Variants in PIEZO2 observed in about 807,000 individuals in gnomAD.
The protein encoded by PIEZO2 is piezo-type mechanosensitive ion channel component 2.
A neutral mutation model predicts 337.3 loss-of-function variants in PIEZO2; 172 were observed. That is an observed-to-expected ratio of 0.51 (90% CI 0.45 to 0.58). The LOEUF is 0.58. Ranked by LOEUF, PIEZO2 falls within the 20% of genes least tolerant of loss-of-function variation. PIEZO2 has a pLI of 0.00. For synonymous variants in PIEZO2, 1,251 were observed against 1,228.5 expected (o/e 1.02, Z -0.38); for missense variants, 3,028 against 3,391.3 (o/e 0.89, Z 2.66).
Position 10,808,577 on chromosome 18 carries a change from T to G in PIEZO2, c.918-1303A>C, listed in dbSNP as rs1353676698. Among the ~76,000 whole-genome samples the G allele has an allele frequency of 4.5e-4, 68 of 152,222 alleles. 1 individual carries two copies. Among genetic ancestry groups the G allele is most frequent in the Admixed American group, 4.5e-3 (68 of 15,280 alleles). On this transcript the variant is annotated intron_variant, in intron 7 of 55. Transcript: ENST00000674853. ...ATTTTAAAGTAAGCTAAATAGATAT[T>G]AAACTAACTTTCTTCATTTTTATCA...
chr18:10,860,537 A>T (rs1296256684), intron 5 of PIEZO2, among the ~76,000 whole-genome samples: 4 of 152,102 alleles, frequency 2.6e-5, no homozygotes, highest in Non-Finnish European at 5.9e-5. Flanking sequence ...CATCGTCAAC[A>T]CACAAATGAC....
At position 11,097,189 on chromosome 18, in the gene PIEZO2, T is replaced by G. The variant is rs1375262530; in HGVS notation, c.65-30967A>C. Among the ~76,000 whole-genome samples the G allele has an allele frequency of 6.6e-6, 1 of 152,176 alleles. No individual in the cohort carries two copies. The highest frequency in any genetic ancestry group is 1.5e-5 in the Non-Finnish European group (1 of 68,032). On this transcript the variant is annotated intron_variant, in intron 1 of 55. Coordinates refer to ENST00000674853, the MANE Select transcript of PIEZO2 (RefSeq NM_001378183.1). The surrounding 1 kb of genome is among the most constrained non-coding windows in gnomAD (Gnocchi z 5.0). ...ATCCCGCCCCACAAACTAAGAATGC[T>G]TTTTATATGTTTAAATGATTGAAAA... is the stretch of plus-strand genomic sequence containing the variant.
chr18:10,856,895 T>C lies in PIEZO2; in HGVS notation c.703+106A>G. 9.8e-7 allele frequency: 1 copy of C among 1,017,076 alleles called. No individual in the cohort carries two copies. The highest frequency in any genetic ancestry group is 1.4e-6 in the Non-Finnish European group (1 of 691,662). 63.0% of individuals were successfully genotyped at this position (1,017,076 alleles called of 1,614,324 possible). The stretch of plus-strand genomic sequence containing the variant: ...AAGAGCTACAGTTATGATATTCATG[T>C]GGTGGAACAGACTGTTTCCTTCATT... On this transcript the variant is annotated intron_variant, in intron 6 of 55. Transcript: ENST00000674853. The surrounding 1 kb of genome is among the most constrained non-coding windows in gnomAD (Gnocchi z 4.7).
At chr18:11,014,864 C>A (rs1170618886) in intron 2 of PIEZO2, among the ~76,000 whole-genome samples, 1 of 134,878 alleles carries the variant, frequency 7.4e-6, no homozygotes, top group Non-Finnish European at 1.6e-5. Context: ...GGTAAGACAG[C>A]GATCCAAGGC....
At position 10,846,660 on chromosome 18, in the gene PIEZO2, G is replaced by C. The variant is rs1393598863; in HGVS notation, c.917+8693C>G. On this transcript the variant is annotated intron_variant, in intron 7 of 55. Coordinates refer to ENST00000674853, the MANE Select transcript of PIEZO2 (RefSeq NM_001378183.1). This position sits in a 1 kb window ranked among gnomAD's most constrained non-coding sequence, Gnocchi z 4.1. Reference sequence around the variant, plus strand: ...GGGATTATTATGGCCCAATGCAGCTGGTGTTATAAAGCAAGTTTGCACAGA... The same window carrying C: ...GGGATTATTATGGCCCAATGCAGCTCGTGTTATAAAGCAAGTTTGCACAGA... Among the ~76,000 whole-genome samples, 4 of 152,026 alleles carry C rather than the reference G, an allele frequency of 2.6e-5. No homozygotes were observed. The highest frequency in any genetic ancestry group is 4.4e-5 in the Non-Finnish European group (3 of 68,000).
intron 2 of PIEZO2, among the ~76,000 whole-genome samples, chr18:10,995,146 A>T (rs9958228): frequency 0.062 from 9,266 of 148,314 alleles, 597 homozygotes; most frequent in African/African-American, 0.16. Flanking sequence ...ATTTTTTTTT[A>T]AATTTTTTGA....
intron 3 of PIEZO2, among the ~76,000 whole-genome samples, chr18:10,949,152 T>C (rs548678424): frequency 6.6e-6 from 1 of 152,164 alleles, no homozygotes; most frequent in Non-Finnish European, 1.5e-5. Context: ...GAGGAAGTAA[T>C]TGTATACATT....
At position 11,116,880 on chromosome 18, in the gene PIEZO2, A is replaced by G. The variant is rs1306859446; in HGVS notation, c.64+31645T>C. Among the ~76,000 whole-genome samples the G allele has an allele frequency of 4.6e-5, 7 of 152,168 alleles. No homozygotes were observed. The highest frequency in any genetic ancestry group is 1.4e-4 in the African/African-American group (6 of 41,448). On this transcript the variant is annotated intron_variant, in intron 1 of 55. Coordinates refer to ENST00000674853, the MANE Select transcript of PIEZO2 (RefSeq NM_001378183.1). This position sits in a 1 kb window ranked among gnomAD's most constrained non-coding sequence, Gnocchi z 5.0. ...TCCCAGCACTCTGTGAGGCCAAGGC[A>G]GGAGGATCACTTGAGGTCAGGGGTT...
intron 1 of PIEZO2, among the ~76,000 whole-genome samples, chr18:11,135,140 A>G (rs1032715524): frequency 6.6e-6 from 1 of 152,354 alleles, no homozygotes. Flanking sequence ...AGACTTTCAC[A>G]ATAAGATTTC....
rs532683592 is a variant in PIEZO2, at chr18:10,833,830, C to T, written c.917+21523G>A. Among the ~76,000 whole-genome samples the T allele has an allele frequency of 1.6e-4, 25 of 152,354 alleles. No individual in the cohort carries two copies. Among genetic ancestry groups the T allele is most frequent in the African/African-American group, 5.5e-4 (23 of 41,586 alleles). On this transcript the variant is annotated intron_variant, in intron 7 of 55. Coordinates refer to ENST00000674853, the MANE Select transcript of PIEZO2 (RefSeq NM_001378183.1). This position sits in a 1 kb window ranked among gnomAD's most constrained non-coding sequence, Gnocchi z 4.7. ...TTTGTTTAAAAAACGCATTAGGCTGCCCTTTCCCTGAAGCCAAGGTTGCCC... is the reference window on the plus strand; with the variant it reads ...TTTGTTTAAAAAACGCATTAGGCTGTCCTTTCCCTGAAGCCAAGGTTGCCC...
chr18:10,889,577 A>C (rs2042699607), intron 4 of PIEZO2, among the ~76,000 whole-genome samples: 1 of 152,222 alleles, frequency 6.6e-6, no homozygotes, highest in African/African-American at 2.4e-5. Context: ...GTTCTTTATC[A>C]ACTTGGTCAA....
chr18:10,878,059 C>T lies in PIEZO2; in HGVS notation c.330-6644G>A, dbSNP rs1230645717. On this transcript the variant is annotated intron_variant, in intron 4 of 55. Transcript: ENST00000674853. This position sits in a 1 kb window ranked among gnomAD's most constrained non-coding sequence, Gnocchi z 4.3. ...CTGTGAAGCCCTTCCTACCTTGCCC[C>T]TCCACACCCATTCCAGAATAGAATG... is the stretch of plus-strand genomic sequence containing the variant. Among the ~76,000 whole-genome samples, 1 of 152,166 alleles carries T rather than the reference C, an allele frequency of 6.6e-6. No individual in the cohort carries two copies. Among genetic ancestry groups the T allele is most frequent in the Non-Finnish European group, 1.5e-5 (1 of 68,034 alleles).
intron 1 of PIEZO2, among the ~76,000 whole-genome samples, chr18:11,073,848 CTTT>C (rs71362202): frequency 2.2e-5 from 3 of 137,154 alleles, no homozygotes; most frequent in Non-Finnish European, 3.1e-5. Flanking sequence ...ATAACAACTG[CTTT>C]TTTTTTTTTT....
chr18:10,837,964 C>T lies in PIEZO2; in HGVS notation c.917+17389G>A, dbSNP rs1297477009. ...ACGGGGTTTCGTCATGTTGGCCAGG[C>T]TGGTCTCGAACTCCTGATCGCAGGT... On this transcript the variant is annotated intron_variant, in intron 7 of 55. Coordinates refer to ENST00000674853, the MANE Select transcript of PIEZO2 (RefSeq NM_001378183.1). This position sits in a 1 kb window ranked among gnomAD's most constrained non-coding sequence, Gnocchi z 4.4. 6.6e-6 allele frequency among the ~76,000 whole-genome samples: 1 copy of T among 152,132 alleles called. No homozygotes were observed. The highest frequency in any genetic ancestry group is 2.4e-5 in the African/African-American group (1 of 41,428).
chr18:10,939,745 C>G (rs2066067773), intron 3 of PIEZO2, among the ~76,000 whole-genome samples: 1 of 152,054 alleles, frequency 6.6e-6, no homozygotes, highest in Non-Finnish European at 1.5e-5. Flanking sequence ...GGGAGGGGAA[C>G]AGCACACACT....
At chr18:11,085,284 C>A (rs1284726603) in intron 1 of PIEZO2, among the ~76,000 whole-genome samples, 3 of 152,122 alleles carry the variant, frequency 2.0e-5, no homozygotes, top group Non-Finnish European at 4.4e-5. Flanking sequence ...AGCTACCTGG[C>A]CCCAGCATTC....
At chr18:10,706,571 C>T (rs2035595925) in intron 40 of PIEZO2, among the ~76,000 whole-genome samples, 1 of 152,212 alleles carries the variant, frequency 6.6e-6, no homozygotes, top group Admixed American at 6.5e-5. Context: ...TTTGAGTAGT[C>T]CTTTTCCAGA....
chr18:10,708,811 A>T (rs2035696302), intron 39 of PIEZO2, among the ~76,000 whole-genome samples: 2 of 152,220 alleles, frequency 1.3e-5, no homozygotes, highest in Non-Finnish European at 2.9e-5. Context: ...CTTTATTTGG[A>T]GCTTGCAGTC....
At chr18:10,921,110 C>A (rs1002095201) in intron 3 of PIEZO2, among the ~76,000 whole-genome samples, 5 of 152,028 alleles carry the variant, frequency 3.3e-5, no homozygotes, top group Admixed American at 6.6e-5. Flanking sequence ...AAGAGGGAGT[C>A]AAATCTAATA....
Sources: gnomAD v4.1 joint callset for allele counts (sites outside exome capture counted in the v4.1 genomes callset) on GRCh38, gnomAD v4.1.1 for gene constraint, Gnocchi (gnomAD v3.1) non-coding constraint, MANE v1.5 for transcripts, NCBI Gene and HGNC (gene_info 2026-07-23, HGNC 2026-07-21) for gene names.